The following IFT43 variants were observed in gnomAD, a reference collection of about 807,000 sequenced individuals.
IFT43 encodes the protein intraflagellar transport 43.
Under a neutral mutation model 32.3 loss-of-function variants are expected in IFT43, and 33 were observed. That is an observed-to-expected ratio of 1.02 (90% CI 0.77 to 1.37). The LOEUF (loss-of-function observed/expected upper bound fraction) is 1.37, where lower values mean the gene tolerates loss of function less well. IFT43 is among the 40% of genes most tolerant of loss of function. The probability of loss-of-function intolerance (pLI) is 0.00; values close to 1 mark genes in which losing one functional copy is unlikely to be tolerated. For missense variants in IFT43, 274 were observed against 265.9 expected (o/e 1.03, Z -0.21); for synonymous variants, 93 against 98.2 (o/e 0.95, Z 0.31).
chr14:76,013,835 G>C (rs945725230), intron 2 of IFT43: 6 of 258,484 alleles, frequency 2.3e-5, no homozygotes, highest in African/African-American at 4.6e-5. Context: ...CTTCAGAATG[G>C]AGATCAGATT....
At chr14:76,037,589 T>C (rs1190674555) in intron 3 of IFT43, among the ~76,000 whole-genome samples, 2 of 152,178 alleles carry the variant, frequency 1.3e-5, no homozygotes, top group African/African-American at 2.4e-5. Context: ...TTCAAACCTA[T>C]AGAAAAGTTG....
At chr14:76,041,410 C>G (rs2036704591) in intron 3 of IFT43, among the ~76,000 whole-genome samples, 1 of 152,158 alleles carries the variant, frequency 6.6e-6, no homozygotes, top group African/African-American at 2.4e-5. Flanking sequence ...GTAGAAAGTG[C>G]AGGGCTTGCA....
At chr14:76,004,228 T>C (rs1020885146) in intron 2 of IFT43, among the ~76,000 whole-genome samples, 1 of 152,212 alleles carries the variant, frequency 6.6e-6, no homozygotes, top group South Asian at 2.1e-4. Context: ...GTAGCACAGA[T>C]TTGCCAAGAA....
chr14:76,039,320 GC>G (rs2036663118), intron 3 of IFT43, among the ~76,000 whole-genome samples: 1 of 152,030 alleles, frequency 6.6e-6, no homozygotes, highest in Non-Finnish European at 1.5e-5. Context: ...CACCATACTC[GC>G]CACGTTTTTA....
chr14:76,064,874 C>G (rs1044379035), intron 5 of IFT43, among the ~76,000 whole-genome samples: 1 of 152,208 alleles, frequency 6.6e-6, no homozygotes, highest in Non-Finnish European at 1.5e-5. Context: ...CTGCCTTAAA[C>G]CTATTCCCAA....
At chr14:76,002,708 G>T (rs2035912164) in intron 2 of IFT43, among the ~76,000 whole-genome samples, 1 of 152,192 alleles carries the variant, frequency 6.6e-6, no homozygotes, top group African/African-American at 2.4e-5. Context: ...GAGAGAGGTG[G>T]TATAGCTGAA....
chr14:76,083,411 G>C, intron 8 of IFT43, 47 bp from the exon 9 acceptor site: 1 of 1,614,078 alleles, frequency 6.2e-7, no homozygotes, highest in Non-Finnish European at 8.5e-7. Flanking sequence ...CTACAGTTGA[G>C]GGAAAAGGCC....
chr14:76,004,421 T>C (rs1383387082), intron 2 of IFT43, among the ~76,000 whole-genome samples: 1 of 152,144 alleles, frequency 6.6e-6, no homozygotes, highest in Non-Finnish European at 1.5e-5. Flanking sequence ...TATGTAAGTC[T>C]TTTCTCCTCC....
chr14:76,027,506 G>A (rs1014889473), intron 3 of IFT43, among the ~76,000 whole-genome samples: 9 of 152,004 alleles, frequency 5.9e-5, no homozygotes, highest in African/African-American at 9.7e-5. Flanking sequence ...TCAGGAGATC[G>A]AGACCATCCT....
chr14:76,036,441 T>A (rs1229245508), intron 3 of IFT43, among the ~76,000 whole-genome samples: 3 of 143,430 alleles, frequency 2.1e-5, no homozygotes, highest in African/African-American at 7.7e-5. Flanking sequence ...AGTCTCACTC[T>A]CTTGCCCAGC....
intron 5 of IFT43, among the ~76,000 whole-genome samples, chr14:76,071,046 G>A (rs1011387893): frequency 3.9e-5 from 6 of 152,078 alleles, no homozygotes; most frequent in African/African-American, 1.4e-4. Context: ...TAAGTTCGGA[G>A]TTACTAGGCC....
chr14:76,083,154 C>A, intron 7 of IFT43, 73 bp from the exon 8 acceptor site: 1 of 1,545,386 alleles, frequency 6.5e-7, no homozygotes, highest in South Asian at 1.1e-5. Context: ...AAACTGATCC[C>A]GGTTTTGTGA....
At chr14:76,060,829 T>TCTTC (rs145202057) in intron 5 of IFT43, among the ~76,000 whole-genome samples, 1,541 of 130,326 alleles carry the variant, frequency 0.012, 37 homozygotes, top group East Asian at 0.099. Flanking sequence ...TCCCTCCCTT[T>TCTTC]CTTCCTTCCT....
At chr14:75,999,281 A>ATTTTTTTTTTT (rs371670856) in intron 2 of IFT43, among the ~76,000 whole-genome samples, 7 of 39,062 alleles carry the variant, frequency 1.8e-4, no homozygotes, top group African/African-American at 3.6e-4. Context: ...ATGTATATAT[A>ATTTTTTTTTTT]TTTTTTTTTT....
chr14:75,993,010 T>G (rs981408556), intron 2 of IFT43, among the ~76,000 whole-genome samples: 2 of 152,184 alleles, frequency 1.3e-5, no homozygotes, highest in African/African-American at 4.8e-5. Flanking sequence ...TTATTCCTGT[T>G]TTGGTGAAAC....
chr14:76,071,391 T>C (rs981621741), intron 5 of IFT43, among the ~76,000 whole-genome samples: 11 of 152,202 alleles, frequency 7.2e-5, no homozygotes, highest in Non-Finnish European at 1.5e-4. Context: ...TCTCACCATC[T>C]TACAGAGGAG....
intron 5 of IFT43, among the ~76,000 whole-genome samples, chr14:76,068,916 T>C (rs778906177): frequency 2.0e-5 from 3 of 152,198 alleles, no homozygotes; most frequent in Non-Finnish European, 4.4e-5. Context: ...TCATCCAGTT[T>C]ACAATCTGTT....
intron 3 of IFT43, among the ~76,000 whole-genome samples, chr14:76,055,602 A>G (rs995064421): frequency 6.6e-6 from 1 of 152,150 alleles, no homozygotes; most frequent in African/African-American, 2.4e-5. Context: ...ATCGTGCTAG[A>G]TTCTGTGTCT....
intron 3 of IFT43, among the ~76,000 whole-genome samples, chr14:76,025,594 G>A (rs1456538581): frequency 6.6e-6 from 1 of 152,042 alleles, no homozygotes; most frequent in Non-Finnish European, 1.5e-5. Flanking sequence ...GCATGGTACT[G>A]GTACAAAAAG....
Sources: gnomAD v4.1 joint callset for allele counts (sites outside exome capture counted in the v4.1 genomes callset) on GRCh38, gnomAD v4.1.1 for gene constraint, MANE v1.5 for transcripts, NCBI Gene and HGNC (gene_info 2026-07-23, HGNC 2026-07-21) for gene names.